Variants in LRRC4C observed in about 807,000 individuals in gnomAD.
LRRC4C encodes leucine-rich repeat-containing protein 4C.
LRRC4C carries 5 observed loss-of-function variants against 33.6 expected under a neutral mutation model. The ratio of observed to expected loss-of-function variants is 0.15; its 90% CI spans 0.08 to 0.31. The LOEUF is 0.31. Among genes scored for constraint, LRRC4C ranks in the 10% least tolerant of loss-of-function variants. The pLI, the probability that LRRC4C is intolerant of heterozygous loss-of-function variation, is 1.00. For synonymous variants in LRRC4C, 329 were observed against 302.0 expected (o/e 1.09, Z -0.93); for missense variants, 560 against 796.7 (o/e 0.70, Z 3.58).
At chr11:40,900,963 T>C (rs978865252) in intron 2 of LRRC4C, among the ~76,000 whole-genome samples, 2 of 152,086 alleles carry the variant, frequency 1.3e-5, no homozygotes, top group African/African-American at 4.8e-5. Context: ...TTTGTGTGTT[T>C]GGGATGGTAT....
intron 5 of LRRC4C, among the ~76,000 whole-genome samples, chr11:40,227,315 A>G (rs1864876004): frequency 6.6e-6 from 1 of 152,186 alleles, no homozygotes. Context: ...ATCTCTCTCA[A>G]TCTGCATAAG....
intron 1 of LRRC4C, among the ~76,000 whole-genome samples, chr11:40,943,373 A>C (rs769901705): frequency 2.6e-5 from 4 of 152,156 alleles, no homozygotes; most frequent in Non-Finnish European, 5.9e-5. Context: ...GCTTGACTTC[A>C]AAACCCGTAT....
chr11:40,346,217 A>C (rs1379529889), intron 3 of LRRC4C, among the ~76,000 whole-genome samples: 2 of 152,214 alleles, frequency 1.3e-5, no homozygotes, highest in Non-Finnish European at 2.9e-5. Flanking sequence ...CCAAATGAAT[A>C]TAAATTGTTC....
intron 3 of LRRC4C, among the ~76,000 whole-genome samples, chr11:40,498,989 C>T (rs1470692882): frequency 6.6e-6 from 1 of 152,090 alleles, no homozygotes; most frequent in African/African-American, 2.4e-5. Context: ...CCCCATGTTA[C>T]CAGGGGACTT....
intron 4 of LRRC4C, among the ~76,000 whole-genome samples, chr11:40,314,284 A>C (rs1458718221): frequency 2.6e-5 from 4 of 152,132 alleles, no homozygotes; most frequent in African/African-American, 9.7e-5. Flanking sequence ...AAATGGCCAA[A>C]AATACATGAA....
intron 3 of LRRC4C, among the ~76,000 whole-genome samples, chr11:40,400,777 T>C (rs550569392): frequency 2.2e-4 from 34 of 152,266 alleles, no homozygotes; most frequent in East Asian, 1.4e-3. Context: ...CTCCTACTTA[T>C]AGTTTAAGTC....
At chr11:41,010,934 C>A (rs1051416734) in intron 1 of LRRC4C, among the ~76,000 whole-genome samples, 5 of 151,958 alleles carry the variant, frequency 3.3e-5, no homozygotes, top group Admixed American at 3.3e-4. Context: ...ATATTGGAGC[C>A]CAAAGGAAGG....
intron 1 of LRRC4C, among the ~76,000 whole-genome samples, chr11:41,029,812 T>C (rs1856602192): frequency 1.3e-5 from 2 of 151,844 alleles, no homozygotes; most frequent in South Asian, 4.1e-4. Flanking sequence ...AATCATTCAA[T>C]ATACGCTTGT....
chr11:40,156,622 C>CA (rs1044223518), intron 5 of LRRC4C, among the ~76,000 whole-genome samples: 15 of 151,304 alleles, frequency 9.9e-5, no homozygotes, highest in African/African-American at 7.3e-5. Flanking sequence ...CCACAAAAAA[C>CA]AAAAAACAGA....
intron 2 of LRRC4C, among the ~76,000 whole-genome samples, chr11:40,783,909 C>T (rs1950311998): frequency 6.6e-6 from 1 of 152,068 alleles, no homozygotes; most frequent in Non-Finnish European, 1.5e-5. Flanking sequence ...AAACCACAAT[C>T]TTGAAAATAG....
intron 1 of LRRC4C, among the ~76,000 whole-genome samples, chr11:41,121,161 A>G (rs977080395): frequency 1.3e-5 from 2 of 152,124 alleles, no homozygotes; most frequent in Non-Finnish European, 2.9e-5. Context: ...CCTCATAAAG[A>G]TCCTTTTTAT....
chr11:40,940,273 C>T (rs993210443), intron 1 of LRRC4C, among the ~76,000 whole-genome samples: 3 of 152,104 alleles, frequency 2.0e-5, no homozygotes, highest in Non-Finnish European at 2.9e-5. Context: ...AGCCTAGGCA[C>T]GTAGTATGTA....
At chr11:40,794,958 C>T (rs1950767282) in intron 2 of LRRC4C, among the ~76,000 whole-genome samples, 1 of 152,182 alleles carries the variant, frequency 6.6e-6, no homozygotes, top group Admixed American at 6.5e-5. Context: ...TGGCAAATTT[C>T]CTTCCCTCTT....
chr11:40,938,370 T>G (rs12287232), intron 1 of LRRC4C, among the ~76,000 whole-genome samples: 44,129 of 151,954 alleles, frequency 0.29, 6,530 homozygotes, highest in East Asian at 0.35. Context: ...TACTTGATAA[T>G]GTACTGAGGA....
At chr11:40,406,043 G>C (rs1355845201) in intron 3 of LRRC4C, among the ~76,000 whole-genome samples, 1 of 152,016 alleles carries the variant, frequency 6.6e-6, no homozygotes, top group African/African-American at 2.4e-5. Flanking sequence ...TCCAACAGCT[G>C]AATTAACATA....
At chr11:41,453,422 T>C (rs1304391706) in intron 1 of LRRC4C, among the ~76,000 whole-genome samples, 1 of 152,202 alleles carries the variant, frequency 6.6e-6, no homozygotes, top group African/African-American at 2.4e-5. Flanking sequence ...TTTCCACTGA[T>C]AGAGTCGGCC....
chr11:40,709,778 A>C (rs950917573), intron 2 of LRRC4C, among the ~76,000 whole-genome samples: 2 of 152,166 alleles, frequency 1.3e-5, no homozygotes, highest in African/African-American at 2.4e-5. Flanking sequence ...TATCCTGAAG[A>C]GTGTTTTCCA....
chr11:40,764,288 G>A (rs1196383270), intron 2 of LRRC4C, among the ~76,000 whole-genome samples: 2 of 152,138 alleles, frequency 1.3e-5, no homozygotes, highest in African/African-American at 4.8e-5. Flanking sequence ...TGACTAAGGA[G>A]CCCTTGGTCC....
At chr11:40,541,614 T>A (rs12573945) in intron 3 of LRRC4C, among the ~76,000 whole-genome samples, 14,205 of 152,120 alleles carry the variant, frequency 0.093, 795 homozygotes, top group Middle Eastern at 0.15. Context: ...GGCTAGCTAG[T>A]TGCATCCCTA....
Sources: gnomAD v4.1 joint callset for allele counts (sites outside exome capture counted in the v4.1 genomes callset) on GRCh38, gnomAD v4.1.1 for gene constraint, MANE v1.5 for transcripts, NCBI Gene and HGNC (gene_info 2026-07-23, HGNC 2026-07-21) for gene names.